Variants in PDE4D observed in about 807,000 individuals in gnomAD.
The protein encoded by PDE4D is 3',5'-cyclic-AMP phosphodiesterase 4D.
In PDE4D, 24 loss-of-function variants were observed where a neutral mutation model predicts 87.4. The ratio of observed to expected loss-of-function variants is 0.27; its 90% CI spans 0.20 to 0.39. The LOEUF (loss-of-function observed/expected upper bound fraction) is 0.39, where lower values mean the gene tolerates loss of function less well. PDE4D is among the 10% of genes least tolerant of loss of function. The pLI is 1.00. For synonymous variants in PDE4D, 384 were observed against 383.2 expected (o/e 1.00, Z -0.02); for missense variants, 714 against 1,041.0 (o/e 0.69, Z 4.32).
At chr5:59,266,076 G>T (rs1762808714) in intron 1 of PDE4D, among the ~76,000 whole-genome samples, 1 of 151,836 alleles carries the variant, frequency 6.6e-6, no homozygotes, top group Non-Finnish European at 1.5e-5. Context: ...CTCTTTTTCA[G>T]CTCAAACTTC....
intron 1 of PDE4D, among the ~76,000 whole-genome samples, chr5:59,626,988 T>C (rs1336352482): frequency 6.6e-6 from 1 of 152,218 alleles, no homozygotes; most frequent in East Asian, 1.9e-4. Flanking sequence ...TGTCTTATTC[T>C]TCAAAATAGC....
chr5:59,097,664 T>G (rs1297969231), intron 5 of PDE4D, among the ~76,000 whole-genome samples: 2 of 152,220 alleles, frequency 1.3e-5, no homozygotes, highest in African/African-American at 4.8e-5. Context: ...AAGCAAACTT[T>G]GAGCACTAAC....
intron 5 of PDE4D, among the ~76,000 whole-genome samples, chr5:59,087,681 T>C (rs1285681005): frequency 6.6e-6 from 1 of 152,180 alleles, no homozygotes; most frequent in East Asian, 1.9e-4. Flanking sequence ...TAGCAGTTCC[T>C]AATAGGTTAC....
chr5:60,285,603 A>G (rs1752347884), intron 1 of PDE4D, among the ~76,000 whole-genome samples: 1 of 152,214 alleles, frequency 6.6e-6, no homozygotes, highest in Admixed American at 6.5e-5. Flanking sequence ...TGAAATTTCA[A>G]AAAAATCAAA....
chr5:59,854,867 G>T (rs552308158), intron 1 of PDE4D, among the ~76,000 whole-genome samples: 1 of 152,174 alleles, frequency 6.6e-6, no homozygotes, highest in African/African-American at 2.4e-5. Flanking sequence ...TGGCAGGAAT[G>T]GGGGACAGCC....
intron 1 of PDE4D, among the ~76,000 whole-genome samples, chr5:59,650,064 A>AAT (rs1743202372): frequency 6.6e-6 from 1 of 151,772 alleles, no homozygotes; most frequent in Admixed American, 6.6e-5. Flanking sequence ...ATTTGTTTTC[A>AAT]ATGTACAAAA....
chr5:60,251,571 G>C (rs943816561), intron 1 of PDE4D, among the ~76,000 whole-genome samples: 2 of 151,834 alleles, frequency 1.3e-5, no homozygotes, highest in Non-Finnish European at 2.9e-5. Context: ...AGTATTCCAT[G>C]GTGTATATGT....
intron 5 of PDE4D, among the ~76,000 whole-genome samples, chr5:59,106,059 T>C (rs1318904870): frequency 6.6e-6 from 1 of 152,204 alleles, no homozygotes; most frequent in Non-Finnish European, 1.5e-5. Context: ...AGTAAACAGA[T>C]TTACAACTAA....
intron 1 of PDE4D, among the ~76,000 whole-genome samples, chr5:59,830,540 A>T (rs1226993942): frequency 6.6e-6 from 1 of 152,132 alleles, no homozygotes; most frequent in Non-Finnish European, 1.5e-5. Context: ...ACAGGTAAAG[A>T]TTACTTTCAA....
At chr5:59,661,923 C>G (rs1176966168) in intron 1 of PDE4D, among the ~76,000 whole-genome samples, 1 of 152,096 alleles carries the variant, frequency 6.6e-6, no homozygotes, top group African/African-American at 2.4e-5. Flanking sequence ...TTATTGTTCT[C>G]AACAATTCAC....
chr5:59,496,257 C>T (rs1245357428), intron 1 of PDE4D, among the ~76,000 whole-genome samples: 1 of 152,108 alleles, frequency 6.6e-6, no homozygotes, highest in Admixed American at 6.5e-5. Context: ...AGCGTGCTCC[C>T]CTCGATGTCC....
intron 1 of PDE4D, among the ~76,000 whole-genome samples, chr5:59,458,135 C>T (rs1263436090): frequency 1.3e-5 from 2 of 152,194 alleles, no homozygotes; most frequent in Non-Finnish European, 2.9e-5. Context: ...GGTTTTGATA[C>T]ATAGTGCTGA....
chr5:59,942,446 T>G (rs1014407502), intron 3 of PDE4D, among the ~76,000 whole-genome samples: 1 of 152,160 alleles, frequency 6.6e-6, no homozygotes. Flanking sequence ...ATGGAAGCCC[T>G]TTAATCAGCA....
intron 2 of PDE4D, among the ~76,000 whole-genome samples, chr5:59,208,582 A>G (rs759336797): frequency 2.0e-5 from 3 of 152,170 alleles, no homozygotes; most frequent in Non-Finnish European, 4.4e-5. Context: ...CATTAAAAAC[A>G]TTACCATTTA....
chr5:59,701,750 G>T (rs144369547), intron 1 of PDE4D, among the ~76,000 whole-genome samples: 2 of 152,338 alleles, frequency 1.3e-5, no homozygotes, highest in African/African-American at 4.8e-5. Flanking sequence ...GTGCATAGTT[G>T]ATGTGAATCT....
At chr5:60,439,847 G>A (rs1745052863) in intron 1 of PDE4D, among the ~76,000 whole-genome samples, 1 of 151,074 alleles carries the variant, frequency 6.6e-6, no homozygotes, top group South Asian at 2.1e-4. Context: ...CATCCTGGGT[G>A]CAATTTTAAA....
At chr5:59,317,798 G>A (rs1485017199) in intron 1 of PDE4D, among the ~76,000 whole-genome samples, 2 of 152,104 alleles carry the variant, frequency 1.3e-5, no homozygotes, top group African/African-American at 4.8e-5. Context: ...CAGTTCCCTT[G>A]AGGTTATGCA....
intron 1 of PDE4D, among the ~76,000 whole-genome samples, chr5:60,472,805 C>A (rs1431244931): frequency 6.6e-6 from 1 of 152,074 alleles, no homozygotes; most frequent in Non-Finnish European, 1.5e-5. Context: ...ACTTTCAGTA[C>A]AGTATTCAAT....
At chr5:59,722,215 G>C (rs1755934768) in intron 1 of PDE4D, among the ~76,000 whole-genome samples, 1 of 152,156 alleles carries the variant, frequency 6.6e-6, no homozygotes, top group Admixed American at 6.6e-5. Flanking sequence ...ACAACTTTAG[G>C]ACAATGCCAA....
Sources: allele counts gnomAD v4.1 joint callset (sites outside exome capture counted in the v4.1 genomes callset), GRCh38; gene constraint gnomAD v4.1.1; transcripts MANE v1.5; gene names NCBI Gene and HGNC (gene_info 2026-07-23, HGNC 2026-07-21).